FBXO15: variants seen among roughly 807,000 people sequenced by gnomAD.
The protein encoded by FBXO15 is F-box protein 15.
A neutral mutation model predicts 49.5 loss-of-function variants in FBXO15; 30 were observed. That is an observed-to-expected ratio of 0.61 (90% CI 0.45 to 0.82). The LOEUF is 0.82. Among genes scored for constraint, FBXO15 ranks in the 40% least tolerant of loss-of-function variants. The pLI, the probability that FBXO15 is intolerant of heterozygous loss-of-function variation, is 0.00. For synonymous variants in FBXO15, 250 were observed against 232.7 expected (o/e 1.07, Z -0.68); for missense variants, 591 against 631.5 (o/e 0.94, Z 0.69).
At position 74,074,101 on chromosome 18, in the gene FBXO15, C is replaced by T. The variant is rs913033863; in HGVS notation, c.1264-371G>A. On this transcript the variant is annotated intron_variant, in intron 9 of 9. Transcript: ENST00000419743. The surrounding 1 kb of genome is among the most constrained non-coding windows in gnomAD (Gnocchi z 4.7). ...GTCAGCGCTTCCGAGCGTGAGGCACCGCATCACCCTGAGAAGCAGTGTGCC... is the reference window on the plus strand; with the variant it reads ...GTCAGCGCTTCCGAGCGTGAGGCACTGCATCACCCTGAGAAGCAGTGTGCC... Among the ~76,000 whole-genome samples, 3 of 152,126 alleles carry T rather than the reference C, an allele frequency of 2.0e-5. No homozygotes were observed. The highest frequency in any genetic ancestry group is 7.2e-5 in the African/African-American group (3 of 41,432).
chr18:74,130,277 A>C (rs1026619386), intron 4 of FBXO15, 139 bp downstream of exon 4: 2 of 1,221,802 alleles, frequency 1.6e-6, no homozygotes, highest in Admixed American at 2.5e-5. Flanking sequence ...CGGAATAGGA[A>C]AATGATACAT....
intron 8 of FBXO15, among the ~76,000 whole-genome samples, chr18:74,085,229 GA>G (rs541140562): frequency 1.3e-5 from 2 of 148,778 alleles, no homozygotes; most frequent in African/African-American, 2.4e-5. Flanking sequence ...AACAATCTTG[GA>G]AAAAAAAAAG....
intron 1 of FBXO15, chr18:74,147,438 G>GC (rs768499180): frequency 1.3e-4 from 149 of 1,149,778 alleles, no homozygotes; most frequent in Non-Finnish European, 1.5e-4. Context: ...CACAGGCGCC[G>GC]CAAGAAAAAA....
intron 8 of FBXO15, among the ~76,000 whole-genome samples, chr18:74,095,055 T>C (rs1913217233): frequency 6.6e-6 from 1 of 152,262 alleles, no homozygotes; most frequent in East Asian, 1.9e-4. Context: ...ACTTTTCTTC[T>C]GCAGCTTCCT....
At chr18:74,079,493 G>A (rs1279642653) in intron 9 of FBXO15, among the ~76,000 whole-genome samples, 1 of 152,144 alleles carries the variant, frequency 6.6e-6, no homozygotes, top group Non-Finnish European at 1.5e-5. Flanking sequence ...GTAAGCCACT[G>A]AAATATAGAA....
At chr18:74,147,532 C>G in intron 1 of FBXO15, 138 bp downstream of exon 1, 58 of 1,248,628 alleles carry the variant, frequency 4.6e-5, no homozygotes, top group East Asian at 6.5e-5. Context: ...TCCGGTCGTT[C>G]TTCCATACCC....
At chr18:74,108,175 GA>G (rs1336633471) in intron 8 of FBXO15, among the ~76,000 whole-genome samples, 1 of 152,290 alleles carries the variant, frequency 6.6e-6, no homozygotes, top group African/African-American at 2.4e-5. Flanking sequence ...CACACAGTAT[GA>G]AGAGACAGAG....
At chr18:74,094,294 T>C (rs1038633855) in intron 8 of FBXO15, among the ~76,000 whole-genome samples, 3 of 152,218 alleles carry the variant, frequency 2.0e-5, no homozygotes, top group African/African-American at 7.2e-5. Context: ...ACTATTCTTA[T>C]GATAGTGAGT....
chr18:74,136,177 AT>A (rs1599187651), intron 2 of FBXO15, among the ~76,000 whole-genome samples: 1 of 151,990 alleles, frequency 6.6e-6, no homozygotes, highest in African/African-American at 2.4e-5. Flanking sequence ...GAAACTGTGT[AT>A]TTTTTTATTA....
In FBXO15 at chr18:74,129,457, A is replaced by G. The variant is rs775199462; in HGVS notation, c.733T>C (p.Cys245Arg). 1.3e-5 allele frequency: 21 copies of G among 1,613,926 alleles called. No individual in the cohort carries two copies. The South Asian group carries it at 1.9e-4, about 14-fold the overall frequency. ...TCGGTAAAAACTGGTGTCATGCCAC[A>G]TAAATCTAAGGTTGACAATGATGCT... Reference protein sequence around the residue: ...CLASLSTLDLCGMTPVFTDWY... With the variant: ...CLASLSTLDLRGMTPVFTDWY... Residue 245 changes from cysteine to arginine, a missense_variant, in exon 5 of 10, where the codon TGT becomes CGT. Cys to Arg is a radical substitution (Grantham distance 180). Transcript: ENST00000419743.
chr18:74,136,382 C>T (rs536237410), intron 2 of FBXO15, among the ~76,000 whole-genome samples: 22 of 152,134 alleles, frequency 1.4e-4, no homozygotes, highest in Non-Finnish European at 2.8e-4. Flanking sequence ...CACCATGTTG[C>T]CCACCAAACC....
At chr18:74,143,600 GA>G (rs1001299771) in intron 1 of FBXO15, among the ~76,000 whole-genome samples, 69 of 152,194 alleles carry the variant, frequency 4.5e-4, no homozygotes, top group Non-Finnish European at 6.0e-4. Flanking sequence ...TGCACTGGGG[GA>G]AAAAAATACT....
At chr18:74,086,320 G>A (rs1233668710) in intron 8 of FBXO15, among the ~76,000 whole-genome samples, 1 of 152,132 alleles carries the variant, frequency 6.6e-6, no homozygotes, top group East Asian at 1.9e-4. Context: ...CACTTCTCAG[G>A]TTCTGCTGCT....
At chr18:74,097,938 A>C (rs762872980) in intron 8 of FBXO15, 1 of 152,384 alleles carries the variant, frequency 6.6e-6, no homozygotes, top group South Asian at 2.1e-4. Flanking sequence ...ACATCACAGG[A>C]CTCTGTGCAG....
At chr18:74,082,737 T>C (rs1416085817) in intron 8 of FBXO15, among the ~76,000 whole-genome samples, 1 of 152,104 alleles carries the variant, frequency 6.6e-6, no homozygotes, top group Non-Finnish European at 1.5e-5. Flanking sequence ...AGCTTCCTGG[T>C]TCTGTCTGAA....
rs1159359803 is a variant in FBXO15, at chr18:74,124,618, CA to C, written c.913-48del. ...ATACATATTTCAACCAAAATGCTTA[CA>C]TTTTTCACAAGATCATTGTGAAGAT... is the stretch of plus-strand genomic sequence containing the variant. On this transcript the variant is annotated intron_variant, in intron 6 of 9. Coordinates refer to ENST00000419743, the MANE Select transcript of FBXO15 (RefSeq NM_001142958.2). 6 of 1,504,608 alleles carry C rather than the reference CA, an allele frequency of 4.0e-6. No homozygotes were observed. In the South Asian group the frequency reaches 5.6e-5, roughly 14 times the overall value. The allele number at this position is 1,504,608 out of a possible 1,614,324, so 93.2% of individuals were successfully genotyped here. A position where few individuals can be genotyped will look rare whatever the true frequency, so the allele number is the denominator to read the frequency against.
intron 1 of FBXO15, 67 bp downstream of exon 1, chr18:74,147,603 A>G: frequency 7.4e-7 from 1 of 1,344,510 alleles, no homozygotes; most frequent in Non-Finnish European, 9.5e-7. Context: ...ATACACGGTG[A>G]AGAGAGCGGG....
intron 5 of FBXO15, among the ~76,000 whole-genome samples, chr18:74,128,892 T>A (rs947380272): frequency 2.6e-5 from 4 of 152,242 alleles, no homozygotes; most frequent in African/African-American, 9.6e-5. Context: ...CAGTCATATA[T>A]GCTAAATACT....
intron 1 of FBXO15, 101 bp from the exon 2 acceptor site, chr18:74,140,413 T>A: frequency 2.0e-6 from 2 of 1,017,434 alleles, no homozygotes; most frequent in Non-Finnish European, 2.7e-6. Flanking sequence ...ACTCCAAAGA[T>A]TACTCACTGA....
Sources: allele counts gnomAD v4.1 joint callset (sites outside exome capture counted in the v4.1 genomes callset), GRCh38; gene constraint gnomAD v4.1.1; non-coding constraint Gnocchi (gnomAD v3.1); transcripts MANE v1.5; gene names NCBI Gene and HGNC (gene_info 2026-07-23, HGNC 2026-07-21).